The following SHANK2 variants were observed in gnomAD, a reference collection of about 807,000 sequenced individuals.
SHANK2 encodes the protein SH3 and multiple ankyrin repeat domains 2.
Under a neutral mutation model 133.7 loss-of-function variants are expected in SHANK2, and 43 were observed. The ratio of observed to expected loss-of-function variants is 0.32; its 90% CI spans 0.25 to 0.41. SHANK2 has a LOEUF of 0.41. SHANK2 is among the 10% of genes least tolerant of loss of function. The pLI is 1.00. For missense variants in SHANK2, 1,994 were observed against 2,235.8 expected (o/e 0.89, Z 2.18); for synonymous variants, 1,017 against 952.8 (o/e 1.07, Z -1.24).
At chr11:71,202,857 C>T (rs1216427261) in intron 2 of SHANK2, among the ~76,000 whole-genome samples, 4 of 152,212 alleles carry the variant, frequency 2.6e-5, no homozygotes, top group East Asian at 1.9e-4. Flanking sequence ...ACAATGAGCA[C>T]GGCACTGACC....
At chr11:71,164,688 A>G (rs1555110485) in intron 2 of SHANK2, among the ~76,000 whole-genome samples, 1 of 152,262 alleles carries the variant, frequency 6.6e-6, no homozygotes, top group Non-Finnish European at 1.5e-5. Context: ...GTTACTAAAC[A>G]TATTTAGTGT....
intron 2 of SHANK2, among the ~76,000 whole-genome samples, chr11:71,183,928 G>A (rs964669965): frequency 7.2e-5 from 11 of 152,142 alleles, no homozygotes; most frequent in African/African-American, 1.7e-4. Context: ...AACTGGTTTC[G>A]TGGCCTCCAC....
At chr11:70,608,452 G>A (rs1481118891) in intron 17 of SHANK2, among the ~76,000 whole-genome samples, 2 of 152,178 alleles carry the variant, frequency 1.3e-5, no homozygotes, top group Admixed American at 1.3e-4. Flanking sequence ...GGGGTCTGGA[G>A]GGTAGGTCTG....
At position 70,841,498 on chromosome 11, in the gene SHANK2, T is replaced by G. The variant is rs116402319; in HGVS notation, c.1175-20816A>C. ...AGCCAGGCCAAGATGTGCTTGGGCT[T>G]AGCCTGTGGAGTCTGCCTTTGGCCC... is the stretch of plus-strand genomic sequence containing the variant. On this transcript the variant is annotated intron_variant, in intron 11 of 25. Transcript: ENST00000601538. Among the ~76,000 whole-genome samples, 765 of 152,318 alleles carry G rather than the reference T, an allele frequency of 5.0e-3. 4 individuals carry two copies. Among genetic ancestry groups the G allele is most frequent in the African/African-American group, 0.017 (714 of 41,574 alleles).
intron 17 of SHANK2, among the ~76,000 whole-genome samples, chr11:70,542,189 T>C (rs1169873221): frequency 1.3e-5 from 2 of 152,248 alleles, no homozygotes; most frequent in African/African-American, 2.4e-5. Flanking sequence ...CCTGCCAATG[T>C]GACCTTATTT....
intron 2 of SHANK2, among the ~76,000 whole-genome samples, chr11:71,202,641 A>G (rs930600305): frequency 4.6e-5 from 7 of 152,162 alleles, no homozygotes; most frequent in African/African-American, 1.7e-4. Flanking sequence ...GCCAGCACAC[A>G]GAGTCACTAA....
chr11:70,599,911 G>GAAAT (rs57102264), intron 17 of SHANK2, among the ~76,000 whole-genome samples: 2 of 44,860 alleles, frequency 4.5e-5, no homozygotes, highest in African/African-American at 9.9e-5. Context: ...GAAAGAGAAA[G>GAAAT]AAAGAAAGAA....
At chr11:70,867,752 G>A (rs544705448) in intron 11 of SHANK2, among the ~76,000 whole-genome samples, 1 of 152,314 alleles carries the variant, frequency 6.6e-6, no homozygotes, top group Non-Finnish European at 1.5e-5. Flanking sequence ...ATATTCCACT[G>A]CTGACCTTTA....
chr11:70,820,913 C>T (rs576534846), intron 11 of SHANK2, among the ~76,000 whole-genome samples: 3 of 152,264 alleles, frequency 2.0e-5, no homozygotes, highest in East Asian at 1.9e-4. Context: ...CTCCACGGCA[C>T]GGAGCTCAAG....
chr11:70,582,028 A>G (rs1353563068), intron 17 of SHANK2, among the ~76,000 whole-genome samples: 1 of 152,198 alleles, frequency 6.6e-6, no homozygotes, highest in Non-Finnish European at 1.5e-5. Flanking sequence ...CTGCTGGTCA[A>G]TGGGAGGGGA....
At chr11:70,864,719 T>C (rs1949325218) in intron 11 of SHANK2, 1 of 152,262 alleles carries the variant, frequency 6.6e-6, no homozygotes. Flanking sequence ...ATAGGATTAA[T>C]GTCCTTATAA....
At chr11:71,225,852 G>A (rs537962942) in intron 1 of SHANK2, among the ~76,000 whole-genome samples, 91 of 152,226 alleles carry the variant, frequency 6.0e-4, no homozygotes, top group Non-Finnish European at 9.0e-4. Flanking sequence ...GGCCGGGCAC[G>A]GTGGCTCATG....
chr11:70,928,957 G>C (rs566563693), intron 10 of SHANK2, among the ~76,000 whole-genome samples: 3 of 152,068 alleles, frequency 2.0e-5, no homozygotes, highest in African/African-American at 7.2e-5. Flanking sequence ...GCAGACAAAT[G>C]GTAATGCAGA....
intron 17 of SHANK2, among the ~76,000 whole-genome samples, chr11:70,525,781 C>A (rs990690091): frequency 1.3e-5 from 2 of 152,084 alleles, no homozygotes; most frequent in Non-Finnish European, 2.9e-5. Context: ...GCTAACCCCC[C>A]TCCTAGCCCC....
At chr11:71,200,131 C>T (rs1047601123) in intron 2 of SHANK2, among the ~76,000 whole-genome samples, 8 of 152,230 alleles carry the variant, frequency 5.3e-5, no homozygotes, top group African/African-American at 1.9e-4. Flanking sequence ...TAGCAGCCAC[C>T]TCCCAGCCTC....
intron 3 of SHANK2, among the ~76,000 whole-genome samples, chr11:71,130,951 G>T (rs565236248): frequency 1.1e-4 from 16 of 152,206 alleles, no homozygotes; most frequent in Admixed American, 4.6e-4. Flanking sequence ...ACAAAGAAGC[G>T]CATTTCACAT....
chr11:70,659,420 T>C (rs781877763), intron 17 of SHANK2, among the ~76,000 whole-genome samples: 1 of 152,114 alleles, frequency 6.6e-6, no homozygotes, highest in Non-Finnish European at 1.5e-5. Flanking sequence ...CGCCAGCAAC[T>C]GCCACACAAG....
At chr11:70,737,243 T>C (rs1209248769) in intron 14 of SHANK2, among the ~76,000 whole-genome samples, 2 of 152,186 alleles carry the variant, frequency 1.3e-5, no homozygotes, top group Non-Finnish European at 2.9e-5. Flanking sequence ...TTCCCAGCCA[T>C]GTGGCGCATC....
chr11:70,909,813 G>A (rs1555078614), intron 10 of SHANK2, among the ~76,000 whole-genome samples: 1 of 152,214 alleles, frequency 6.6e-6, no homozygotes, highest in East Asian at 1.9e-4. Context: ...ATTTTCTGCA[G>A]GACAGTAACC....
Sources: gnomAD v4.1 joint callset for allele counts (sites outside exome capture counted in the v4.1 genomes callset) on GRCh38, gnomAD v4.1.1 for gene constraint, MANE v1.5 for transcripts, NCBI Gene and HGNC (gene_info 2026-07-23, HGNC 2026-07-21) for gene names.